The following L3MBTL4 variants were observed in gnomAD, a reference collection of about 807,000 sequenced individuals.
L3MBTL4 encodes the protein lethal(3)malignant brain tumor-like protein 4.
A neutral mutation model predicts 84.5 loss-of-function variants in L3MBTL4; 70 were observed. That is an observed-to-expected ratio of 0.83 (90% CI 0.68 to 1.01). The LOEUF (loss-of-function observed/expected upper bound fraction) is 1.01, where lower values mean the gene tolerates loss of function less well. Ranked by LOEUF, L3MBTL4 falls within the 50% of genes least tolerant of loss-of-function variation. The pLI, the probability that L3MBTL4 is intolerant of heterozygous loss-of-function variation, is 0.00. For synonymous variants in L3MBTL4, 274 were observed against 259.8 expected, an observed-to-expected ratio of 1.05 and a Z score of -0.52; for missense variants, 715 against 754.8, an observed-to-expected ratio of 0.95 and a Z score of 0.62.
chr18:6,334,815 T>C (rs530124010), intron 1 of L3MBTL4, among the ~76,000 whole-genome samples: 15 of 152,354 alleles, frequency 9.8e-5, no homozygotes, highest in South Asian at 4.1e-4. Context: ...ATATTGCCCA[T>C]GTAATTTTAA....
At chr18:6,167,607 G>C (rs1357035517) in intron 13 of L3MBTL4, among the ~76,000 whole-genome samples, 1 of 152,040 alleles carries the variant, frequency 6.6e-6, no homozygotes, top group Non-Finnish European at 1.5e-5. Context: ...GACAGAAAAG[G>C]CATGTGACAA....
Position 5,993,008 on chromosome 18 carries a change from G to A in L3MBTL4, c.1445-23446C>T, listed in dbSNP as rs142474491. On this transcript the variant is annotated intron_variant, in intron 16 of 18. Transcript: ENST00000317931. ...TCGATTCCAGAAAGATCACCTGGGGGCACAGATGATGGGTTGGTGGAATGC... is the reference window on the plus strand; with the variant it reads ...TCGATTCCAGAAAGATCACCTGGGGACACAGATGATGGGTTGGTGGAATGC... Among the ~76,000 whole-genome samples, 26 of 152,308 alleles carry A rather than the reference G, an allele frequency of 1.7e-4. No individual in the cohort carries two copies. In the East Asian group the frequency reaches 4.8e-3, roughly 28 times the overall value.
rs719153 is a variant in L3MBTL4, at chr18:5,955,555, A to G, written c.*665T>C. The G allele has an allele frequency of 0.43, 65,433 of 152,094 alleles. 14,429 individuals are homozygous for G. The highest frequency in any genetic ancestry group is 0.51 in the African/African-American group (21,230 of 41,448). 9.4% of individuals were successfully genotyped at this position (152,094 alleles called of 1,614,324 possible). A position where few individuals can be genotyped will look rare whatever the true frequency, so the allele number is the denominator to read the frequency against. On this transcript the variant is annotated 3_prime_UTR_variant, in exon 19 of 19. Coordinates refer to ENST00000317931, the MANE Select transcript of L3MBTL4 (RefSeq NM_001330559.2). ...GAAGTGCCCACCTGACCGTCCTCTC[A>G]TTACTCCTGGCTACTCTCCTTTGTG...
At chr18:6,160,485 A>G (rs1037123236) in intron 13 of L3MBTL4, among the ~76,000 whole-genome samples, 8 of 152,124 alleles carry the variant, frequency 5.3e-5, no homozygotes, top group Non-Finnish European at 1.2e-4. Context: ...TAATCCCAAC[A>G]CTTTGGGAGG....
intron 12 of L3MBTL4, among the ~76,000 whole-genome samples, chr18:6,188,079 A>G (rs2044868599): frequency 6.6e-6 from 1 of 151,786 alleles, no homozygotes; most frequent in Admixed American, 6.6e-5. Context: ...GTTCCTGAGT[A>G]TTTCAAGTCT....
At chr18:6,411,504 C>T (rs929022421) in intron 1 of L3MBTL4, among the ~76,000 whole-genome samples, 1 of 152,180 alleles carries the variant, frequency 6.6e-6, no homozygotes, top group African/African-American at 2.4e-5. Context: ...ACTTCATCTT[C>T]TCAGCGCCTA....
intron 3 of L3MBTL4, among the ~76,000 whole-genome samples, chr18:6,305,545 A>T (rs6506371): frequency 0.19 from 28,841 of 152,202 alleles, 2,867 homozygotes; most frequent in African/African-American, 0.23. Flanking sequence ...TCAATACAAA[A>T]TGCGAAAAAT....
intron 1 of L3MBTL4, among the ~76,000 whole-genome samples, chr18:6,322,445 AGAAG>A (rs1311916705): frequency 8.1e-6 from 1 of 123,060 alleles, no homozygotes; most frequent in Non-Finnish European, 1.8e-5. Flanking sequence ...GAGGAAGGAA[AGAAG>A]GAAGGATGGA....
chr18:6,058,378 T>G (rs1023932349), intron 16 of L3MBTL4, among the ~76,000 whole-genome samples: 1 of 152,224 alleles, frequency 6.6e-6, no homozygotes, highest in South Asian at 2.1e-4. Flanking sequence ...TTCCTCATTG[T>G]CTGTGTCTTT....
At position 6,191,897 on chromosome 18, in the gene L3MBTL4, G is replaced by A. The variant is rs186217850; in HGVS notation, c.982-19955C>T. ...CCCAGCTCCTCAGGAAGCAGAGGTG[G>A]GAAGATCACTTGAGCCCAGGAGTTT... On this transcript the variant is annotated intron_variant, in intron 12 of 18. Transcript: ENST00000317931. Among the ~76,000 whole-genome samples the A allele has an allele frequency of 6.8e-4, 103 of 152,118 alleles. 1 individual carries two copies. Among genetic ancestry groups the A allele is most frequent in the African/African-American group, 2.1e-3 (88 of 41,476 alleles).
At chr18:5,980,230 T>G (rs1433795562) in intron 16 of L3MBTL4, among the ~76,000 whole-genome samples, 1 of 152,204 alleles carries the variant, frequency 6.6e-6, no homozygotes, top group Non-Finnish European at 1.5e-5. Flanking sequence ...ATGTGCTCCC[T>G]GCACCCTGCA....
rs974052897 is a variant in L3MBTL4, at chr18:6,240,594, C to T, written c.553-722G>A. On this transcript the variant is annotated intron_variant, in intron 8 of 18. Transcript: ENST00000317931. The stretch of plus-strand genomic sequence containing the variant: ...GGATTTAGGGAGTACATACAGTATC[C>T]GGGAACTGAAAGAGGGTGTTTTTCT... 7.2e-5 allele frequency among the ~76,000 whole-genome samples: 11 copies of T among 152,070 alleles called. No homozygotes were observed. The East Asian group carries it at 1.9e-3, about 27-fold the overall frequency.
chr18:6,259,814 TG>T (rs2048318763), intron 5 of L3MBTL4: 1 of 152,224 alleles, frequency 6.6e-6, no homozygotes, highest in Non-Finnish European at 1.5e-5. Context: ...TGTCAAATTT[TG>T]TTTTTGCTGT....
At chr18:6,197,895 C>T (rs1364406050) in intron 12 of L3MBTL4, among the ~76,000 whole-genome samples, 2 of 152,190 alleles carry the variant, frequency 1.3e-5, no homozygotes, top group African/African-American at 4.8e-5. Flanking sequence ...CTGTTGAGCC[C>T]GCAGCCCAGA....
At chr18:6,415,099 G>C (rs2056143705), upstream of L3MBTL4, 1 of 152,306 alleles carries the variant, frequency 6.6e-6, no homozygotes, top group Admixed American at 6.5e-5. Context: ...GGAATTTTCA[G>C]ATGCGTCCTT....
intron 16 of L3MBTL4, among the ~76,000 whole-genome samples, chr18:6,073,933 G>A (rs2057773861): frequency 6.6e-6 from 1 of 152,110 alleles, no homozygotes; most frequent in South Asian, 2.1e-4. Context: ...TGTGAATGAA[G>A]ACAGCATCTT....
chr18:6,364,691 A>G lies in L3MBTL4; in HGVS notation c.-91+50110T>C, dbSNP rs147999899. On this transcript the variant is annotated intron_variant, in intron 1 of 18. Transcript: ENST00000317931. ...TTTACACATAAGCGTAATCAAAATGATATATTTTGTGGCATCTTTAAAACT... is the reference window on the plus strand; with the variant it reads ...TTTACACATAAGCGTAATCAAAATGGTATATTTTGTGGCATCTTTAAAACT... Among the ~76,000 whole-genome samples, 449 of 152,280 alleles carry G rather than the reference A, an allele frequency of 2.9e-3. 1 individual carries two copies. Among genetic ancestry groups the G allele is most frequent in the Middle Eastern group, 0.01 (3 of 292 alleles).
intron 1 of L3MBTL4, among the ~76,000 whole-genome samples, chr18:6,411,478 T>C (rs963084779): frequency 3.3e-5 from 5 of 152,234 alleles, no homozygotes; most frequent in African/African-American, 1.2e-4. Context: ...AGATCACCTC[T>C]TTTTAGCCAA....
At chr18:5,981,902 A>G (rs2053238685) in intron 16 of L3MBTL4, among the ~76,000 whole-genome samples, 1 of 151,752 alleles carries the variant, frequency 6.6e-6, no homozygotes, top group South Asian at 2.1e-4. Flanking sequence ...ATATCTCCCG[A>G]TGCAACATGC....
Sources: allele counts gnomAD v4.1 joint callset (sites outside exome capture counted in the v4.1 genomes callset), GRCh38; gene constraint gnomAD v4.1.1; transcripts MANE v1.5; gene names NCBI Gene and HGNC (gene_info 2026-07-23, HGNC 2026-07-21).